Variants in HS3ST5 observed in about 807,000 individuals in gnomAD.
The protein encoded by HS3ST5 is heparan sulfate glucosamine 3-O-sulfotransferase 5.
A neutral mutation model predicts 25.4 loss-of-function variants in HS3ST5; 10 were observed. The ratio of observed to expected loss-of-function variants is 0.39; its 90% confidence interval spans 0.24 to 0.67. The LOEUF is 0.67. Ranked by LOEUF, HS3ST5 falls within the 30% of genes least tolerant of loss-of-function variation. The pLI is 0.44. For synonymous variants in HS3ST5, 170 were observed against 162.4 expected, an observed-to-expected ratio of 1.05 and a Z score of -0.36; for missense variants, 324 against 420.7, an observed-to-expected ratio of 0.77 and a Z score of 2.01.
intron 1 of HS3ST5, among the ~76,000 whole-genome samples, chr6:114,321,184 C>T (rs1003209593): frequency 5.3e-5 from 8 of 151,998 alleles, no homozygotes; most frequent in African/African-American, 1.2e-4. Flanking sequence ...GCTCCACTTC[C>T]GCCTAATAGC....
chr6:114,311,647 A>G (rs576105264), intron 1 of HS3ST5, among the ~76,000 whole-genome samples: 2 of 148,284 alleles, frequency 1.3e-5, no homozygotes, highest in South Asian at 4.3e-4. Context: ...GGTTCAAGCA[A>G]TTCTCGTGCC....
chr6:114,147,472 T>A (rs1778225928), intron 3 of HS3ST5, among the ~76,000 whole-genome samples: 1 of 152,176 alleles, frequency 6.6e-6, no homozygotes, highest in Non-Finnish European at 1.5e-5. Flanking sequence ...TGAAGTTGAT[T>A]GAAACACAGA....
intron 1 of HS3ST5, among the ~76,000 whole-genome samples, chr6:114,282,959 G>C (rs1774186532): frequency 6.6e-6 from 1 of 151,878 alleles, no homozygotes; most frequent in Admixed American, 6.6e-5. Context: ...TTGGTAGTCA[G>C]AGTTCCAGGA....
chr6:114,235,401 AT>A (rs907824647), intron 1 of HS3ST5, among the ~76,000 whole-genome samples: 6 of 151,390 alleles, frequency 4.0e-5, no homozygotes, highest in African/African-American at 4.9e-5. Context: ...AAAAAAAAAA[AT>A]ACACGTACAT....
chr6:114,270,430 T>G (rs1220126316), intron 1 of HS3ST5, among the ~76,000 whole-genome samples: 1 of 152,154 alleles, frequency 6.6e-6, no homozygotes, highest in Non-Finnish European at 1.5e-5. Flanking sequence ...ATAAATTGCA[T>G]TTTTAGACTG....
At chr6:114,298,933 T>G (rs142441079) in intron 1 of HS3ST5, among the ~76,000 whole-genome samples, 3 of 152,122 alleles carry the variant, frequency 2.0e-5, no homozygotes, top group African/African-American at 7.2e-5. Context: ...TTGTAGAGCA[T>G]GCGTGTTTGA....
chr6:114,258,037 G>A (rs1398471323), intron 1 of HS3ST5, among the ~76,000 whole-genome samples: 2 of 152,134 alleles, frequency 1.3e-5, no homozygotes, highest in African/African-American at 4.8e-5. Flanking sequence ...GGGACTACAG[G>A]TGTGTCCCAC....
In HS3ST5 at chr6:114,282,753, G is replaced by T. The variant is rs867115929; in HGVS notation, c.-338-53975C>A. Among the ~76,000 whole-genome samples the T allele has an allele frequency of 1.8e-4, 28 of 151,832 alleles. No individual in the cohort carries two copies. In the Middle Eastern group the frequency reaches 0.031, roughly 166 times the overall value. On this transcript the variant is annotated intron_variant, in intron 1 of 4. Coordinates refer to ENST00000312719, the MANE Select transcript of HS3ST5 (RefSeq NM_153612.4). ...CCTCCCCTTTCTTCCATTATTAAAG[G>T]CAGGAACCAAGGACCACTTTGGTAA...
At chr6:114,290,622 A>AT (rs974254306) in intron 1 of HS3ST5, among the ~76,000 whole-genome samples, 1 of 151,944 alleles carries the variant, frequency 6.6e-6, no homozygotes, top group African/African-American at 2.4e-5. Context: ...ACTACTATGA[A>AT]TTTTTTTTAA....
intron 3 of HS3ST5, among the ~76,000 whole-genome samples, chr6:114,146,632 A>C (rs181979635): frequency 3.2e-4 from 49 of 152,066 alleles, no homozygotes; most frequent in African/African-American, 1.1e-3. Flanking sequence ...CCCAAATCTC[A>C]TGTTGAACTG....
At chr6:114,143,441 A>G (rs934167980) in intron 3 of HS3ST5, among the ~76,000 whole-genome samples, 1 of 152,222 alleles carries the variant, frequency 6.6e-6, no homozygotes, top group African/African-American at 2.4e-5. Context: ...GAAGTTGTGC[A>G]TGTCCATTGC....
chr6:114,321,652 C>A (rs1465290302), intron 1 of HS3ST5, among the ~76,000 whole-genome samples: 1 of 152,032 alleles, frequency 6.6e-6, no homozygotes, highest in Non-Finnish European at 1.5e-5. Context: ...CACTTACCCA[C>A]ATAAAAATGT....
At chr6:114,157,675 C>T (rs1190674463) in intron 3 of HS3ST5, among the ~76,000 whole-genome samples, 3 of 152,098 alleles carry the variant, frequency 2.0e-5, no homozygotes, top group African/African-American at 7.2e-5. Context: ...AAATATTACA[C>T]AGACCACAAA....
At chr6:114,084,443 T>C in intron 3 of HS3ST5, 1 of 756,684 alleles carries the variant, frequency 1.3e-6, no homozygotes. Flanking sequence ...TCAGGATCTC[T>C]GTAGAAGTAG....
intron 1 of HS3ST5, chr6:114,340,827 T>C (rs916747651): frequency 6.6e-6 from 1 of 152,204 alleles, no homozygotes; most frequent in Non-Finnish European, 1.5e-5. Flanking sequence ...TAAATTATAA[T>C]GTGTAATTTG....
chr6:114,260,097 A>G (rs1434608163), intron 1 of HS3ST5, among the ~76,000 whole-genome samples: 1 of 152,258 alleles, frequency 6.6e-6, no homozygotes, highest in South Asian at 2.1e-4. Context: ...ACAAAATTAT[A>G]TTTTGTTGAC....
intron 2 of HS3ST5, among the ~76,000 whole-genome samples, chr6:114,227,673 G>A (rs927032358): frequency 3.9e-5 from 6 of 151,956 alleles, no homozygotes; most frequent in African/African-American, 1.4e-4. Flanking sequence ...AAGCAGATTT[G>A]TTCTTTTAAA....
chr6:114,072,059 T>C (rs1039567921), intron 3 of HS3ST5, among the ~76,000 whole-genome samples: 1 of 152,162 alleles, frequency 6.6e-6, no homozygotes, highest in African/African-American at 2.4e-5. Flanking sequence ...TAAATAATTA[T>C]ATTAGGGCTT....
chr6:114,167,907 CGTTCGAGAGTAAACAGACCTAAA>C (rs1562223415), intron 3 of HS3ST5, among the ~76,000 whole-genome samples: 3 of 151,986 alleles, frequency 2.0e-5, no homozygotes. Flanking sequence ...GTTTGTTTGG[CGTTCGAGAGTAAACAGACCTAAA>C]ACTATCAAAG....
Sources: allele counts gnomAD v4.1 joint callset (sites outside exome capture counted in the v4.1 genomes callset), GRCh38; gene constraint gnomAD v4.1.1; transcripts MANE v1.5; gene names NCBI Gene and HGNC (gene_info 2026-07-23, HGNC 2026-07-21).